Variants in NAV2 observed in about 807,000 individuals in gnomAD.
NAV2 encodes neuron navigator 2.
In NAV2, 54 loss-of-function variants were observed where a neutral mutation model predicts 223.2. That is an observed-to-expected ratio of 0.24 (90% CI 0.19 to 0.30). The LOEUF is 0.30. NAV2 is among the 10% of genes least tolerant of loss of function. The probability of loss-of-function intolerance (pLI) is 1.00; values close to 1 mark genes in which losing one functional copy is unlikely to be tolerated. For synonymous variants in NAV2, 1,279 were observed against 1,239.3 expected, an observed-to-expected ratio of 1.03 and a Z score of -0.67; for missense variants, 2,806 against 3,147.5, an observed-to-expected ratio of 0.89 and a Z score of 2.60.
rs757086618 is a variant in NAV2, at chr11:19,948,745, C to G, written c.2310C>G (p.Ser770Arg). 3.1e-6 allele frequency: 5 copies of G among 1,608,958 alleles called. No homozygotes were observed. Among genetic ancestry groups the G allele is most frequent in the Non-Finnish European group, 3.4e-6 (4 of 1,176,174 alleles). ...TCACCACGGAGATGAGTGGCCGTAG[C>G]ATACTCAGCTTGACAGGGAGGCCCA... The part of the protein sequence containing the change: ...TNVTTEMSGR[S>R]ILSLTGRPTP... The change falls in exon 10 of 38, where the codon AGC (serine) becomes AGG (arginine). Residue 770 changes from serine to arginine, a missense_variant. Ser to Arg is a moderately radical substitution (Grantham distance 110). Around this residue, in one of 4 missense-constraint regions of NAV2, gnomAD observed 1,167 missense variants for 1,180.5 expected, o/e 0.99. Transcript: ENST00000349880.
At chr11:20,015,645 G>T (rs1241974278) in intron 11 of NAV2, among the ~76,000 whole-genome samples, 1 of 152,086 alleles carries the variant, frequency 6.6e-6, no homozygotes, top group Non-Finnish European at 1.5e-5. Flanking sequence ...GCTCCACGAG[G>T]GGGTAGAGAG....
intron 9 of NAV2, among the ~76,000 whole-genome samples, chr11:19,947,485 A>G (rs558508777): frequency 3.3e-5 from 5 of 152,344 alleles, no homozygotes; most frequent in African/African-American, 1.2e-4. Context: ...GGTGTGAAAC[A>G]TCCCTTTTTC....
At chr11:19,945,572 T>C (rs1455481023) in intron 8 of NAV2, among the ~76,000 whole-genome samples, 1 of 152,198 alleles carries the variant, frequency 6.6e-6, no homozygotes, top group Non-Finnish European at 1.5e-5. Flanking sequence ...CTTGAACTCC[T>C]GGGCTCAAGC....
intron 1 of NAV2, among the ~76,000 whole-genome samples, chr11:19,544,421 C>A (rs1433788477): frequency 6.6e-6 from 1 of 152,162 alleles, no homozygotes; most frequent in East Asian, 1.9e-4. Context: ...GGTCAGTACC[C>A]CAGTTAGTAG....
At chr11:19,643,228 A>G (rs12417172) in intron 1 of NAV2, among the ~76,000 whole-genome samples, 4 of 152,060 alleles carry the variant, frequency 2.6e-5, no homozygotes, top group Non-Finnish European at 5.9e-5. Flanking sequence ...CGTTTGTTAC[A>G]TATGTATACA....
intron 5 of NAV2, among the ~76,000 whole-genome samples, chr11:19,887,351 G>C (rs553799099): frequency 6.6e-6 from 1 of 151,930 alleles, no homozygotes; most frequent in Non-Finnish European, 1.5e-5. Flanking sequence ...GTGAGCCCAG[G>C]GAGGCTTATT....
At chr11:19,769,315 T>C (rs137912421) in intron 1 of NAV2, among the ~76,000 whole-genome samples, 10 of 152,268 alleles carry the variant, frequency 6.6e-5, no homozygotes, top group African/African-American at 2.4e-4. Flanking sequence ...ACAGCAGCAG[T>C]AATTATGACC....
intron 6 of NAV2, among the ~76,000 whole-genome samples, chr11:19,908,500 A>G (rs1180945313): frequency 6.6e-6 from 1 of 152,196 alleles, no homozygotes; most frequent in East Asian, 1.9e-4. Flanking sequence ...GCACTGTCCA[A>G]CGGTACTTTC....
chr11:19,775,556 C>A (rs1296899225), intron 1 of NAV2, among the ~76,000 whole-genome samples: 1 of 152,136 alleles, frequency 6.6e-6, no homozygotes, highest in Non-Finnish European at 1.5e-5. Context: ...ACAAAACAGA[C>A]AAGGTTGTTG....
intron 37 of NAV2, among the ~76,000 whole-genome samples, chr11:20,117,650 T>C (rs934567749): frequency 1.3e-5 from 2 of 152,020 alleles, no homozygotes; most frequent in African/African-American, 2.4e-5. Context: ...TTGATGCTTG[T>C]TGAAGTGGGA....
chr11:19,737,439 C>T (rs1161285109), intron 1 of NAV2, among the ~76,000 whole-genome samples: 3 of 152,046 alleles, frequency 2.0e-5, no homozygotes, highest in Non-Finnish European at 4.4e-5. Context: ...TACATCATGG[C>T]AGGGAGAAGG....
chr11:19,936,359 A>G (rs996822569), intron 7 of NAV2, among the ~76,000 whole-genome samples: 1 of 152,206 alleles, frequency 6.6e-6, no homozygotes, highest in Non-Finnish European at 1.5e-5. Context: ...GTTGTTCGCT[A>G]TAATCATTTG....
chr11:19,425,262 A>G (rs2133541212), intron 1 of NAV2, among the ~76,000 whole-genome samples: 1 of 152,352 alleles, frequency 6.6e-6, no homozygotes, highest in Admixed American at 6.5e-5. Context: ...AGAAGGAAAG[A>G]AATGTTATTC....
At chr11:19,420,551 T>C (rs1850567472) in intron 1 of NAV2, among the ~76,000 whole-genome samples, 1 of 152,178 alleles carries the variant, frequency 6.6e-6, no homozygotes, top group Admixed American at 6.5e-5. Flanking sequence ...GTTTATACAG[T>C]GGACTACTAC....
intron 35 of NAV2, among the ~76,000 whole-genome samples, chr11:20,106,348 TAA>T (rs2062104006): frequency 6.8e-6 from 1 of 147,256 alleles, no homozygotes; most frequent in African/African-American, 2.5e-5. Context: ...CACCTCAAGT[TAA>T]GAGTTCGAAA....
chr11:19,490,544 T>G (rs1442686097), intron 1 of NAV2, among the ~76,000 whole-genome samples: 2 of 152,232 alleles, frequency 1.3e-5, no homozygotes, highest in African/African-American at 4.8e-5. Context: ...CTCATTCATT[T>G]AAGTTTATTG....
intron 1 of NAV2, among the ~76,000 whole-genome samples, chr11:19,620,113 A>C (rs550245569): frequency 1.3e-5 from 2 of 151,954 alleles, no homozygotes; most frequent in African/African-American, 4.8e-5. Flanking sequence ...TGTTCCATTG[A>C]TCTATATCTC....
At chr11:19,527,178 C>T (rs895271333) in intron 1 of NAV2, among the ~76,000 whole-genome samples, 1 of 152,058 alleles carries the variant, frequency 6.6e-6, no homozygotes. Flanking sequence ...ATCATGAGGG[C>T]AGTTTCCCCC....
intron 1 of NAV2, among the ~76,000 whole-genome samples, chr11:19,660,640 A>G (rs2048251637): frequency 1.3e-5 from 2 of 152,202 alleles, no homozygotes; most frequent in Admixed American, 6.5e-5. Flanking sequence ...TTCTGATCCC[A>G]TGTCCTGCCA....
Sources: gnomAD v4.1 joint callset for allele counts (sites outside exome capture counted in the v4.1 genomes callset) on GRCh38, gnomAD v4.1.1 for gene constraint, gnomAD v4.1.1 regional missense constraint, MANE v1.5 for transcripts, NCBI Gene and HGNC (gene_info 2026-07-23, HGNC 2026-07-21) for gene names.